The following ERCC5 variants were observed in gnomAD, a reference collection of about 807,000 sequenced individuals.
ERCC5 encodes the protein ERCC excision repair 5, endonuclease.
A neutral mutation model predicts 105.6 loss-of-function variants in ERCC5; 68 were observed. The ratio of observed to expected loss-of-function variants is 0.64; its 90% CI spans 0.53 to 0.79. ERCC5 has a LOEUF of 0.79. Among genes scored for constraint, ERCC5 ranks in the 30% least tolerant of loss-of-function variants. ERCC5 has a pLI of 0.00. For missense variants in ERCC5, 1,373 were observed against 1,426.7 expected, an observed-to-expected ratio of 0.96 and a Z score of 0.61; for synonymous variants, 546 against 526.2, an observed-to-expected ratio of 1.04 and a Z score of -0.51.
intron 12 of ERCC5, among the ~76,000 whole-genome samples, chr13:102,869,658 G>C (rs1882970107): frequency 6.6e-6 from 1 of 152,102 alleles, no homozygotes; most frequent in Non-Finnish European, 1.5e-5. Flanking sequence ...GCGTCTATCA[G>C]GGCTAGTTTA....
intron 1 of ERCC5, among the ~76,000 whole-genome samples, chr13:102,847,172 T>G (rs1469536911): frequency 6.6e-6 from 1 of 152,222 alleles, no homozygotes; most frequent in African/African-American, 2.4e-5. Flanking sequence ...AAATTGACTT[T>G]TTAAGGACTA....
rs138538100 is a variant in ERCC5, at chr13:102,852,960, C to G, written c.264+667C>G. Among the ~76,000 whole-genome samples the G allele has an allele frequency of 2.2e-3, 341 of 152,228 alleles. 1 individual carries two copies. Among genetic ancestry groups the G allele is most frequent in the Non-Finnish European group, 3.9e-3 (266 of 68,034 alleles). On this transcript the variant is annotated intron_variant, in intron 2 of 14. Transcript: ENST00000652225. ...AATGTTTAAACAGTCCAAATGACAGCACCCATTTGGATATATGACTTTTAT... is the reference window on the plus strand; with the variant it reads ...AATGTTTAAACAGTCCAAATGACAGGACCCATTTGGATATATGACTTTTAT...
intron 7 of ERCC5, 50 bp from the exon 8 acceptor site, chr13:102,861,980 T>C: frequency 6.2e-7 from 1 of 1,604,752 alleles, no homozygotes; most frequent in Non-Finnish European, 8.5e-7. Flanking sequence ...TAGAAGCGTA[T>C]TGTCACACTG....
chr13:102,855,857 G>A (rs1882395710), intron 4 of ERCC5, among the ~76,000 whole-genome samples, 195 bp from the exon 5 acceptor site: 1 of 152,118 alleles, frequency 6.6e-6, no homozygotes. Flanking sequence ...TTCCCTTGTG[G>A]TGGAAGTTAT....
chr13:102,846,624 C>A (rs1003478199), intron 1 of ERCC5, among the ~76,000 whole-genome samples: 6 of 152,164 alleles, frequency 3.9e-5, no homozygotes, highest in Non-Finnish European at 7.3e-5. Flanking sequence ...ATAAACTACC[C>A]ACTTCCGTAA....
intron 13 of ERCC5, 37 bp from the exon 14 acceptor site, chr13:102,873,222 A>G: frequency 1.2e-6 from 2 of 1,613,404 alleles, no homozygotes; most frequent in African/African-American, 1.3e-5. Context: ...TTGTTTAAAT[A>G]TCTTTCAAAA....
intron 11 of ERCC5, among the ~76,000 whole-genome samples, chr13:102,867,764 G>A (rs980582849): frequency 6.6e-6 from 1 of 152,144 alleles, no homozygotes; most frequent in Non-Finnish European, 1.5e-5. Context: ...GAGGAGAAAC[G>A]AAGTGTTCAG....
At position 102,862,769 on chromosome 13, in the gene ERCC5, T is replaced by C. The variant is rs781540411; in HGVS notation, c.1620T>C (p.Ala540=). The change falls in exon 8 of 15, where the codon GCT becomes GCC. Residue 540 remains alanine, a synonymous_variant. Coordinates refer to ENST00000652225, the MANE Select transcript of ERCC5 (RefSeq NM_000123.4). ...TNSVSKNETH[A]EVLEQQNELC... ...CTGTGTCAAAGAATGAAACACATGCTGAAGTGCTTGAGCAGCAGAACGAAC... is the reference window on the plus strand; with the variant it reads ...CTGTGTCAAAGAATGAAACACATGCCGAAGTGCTTGAGCAGCAGAACGAAC... 1.2e-6 allele frequency: 2 copies of C among 1,614,238 alleles called. No homozygotes were observed. The highest frequency in any genetic ancestry group is 1.7e-6 in the Non-Finnish European group (2 of 1,180,036).
chr13:102,848,082 C>T (rs1258480296), intron 1 of ERCC5, among the ~76,000 whole-genome samples: 2 of 152,132 alleles, frequency 1.3e-5, no homozygotes, highest in Admixed American at 1.3e-4. Context: ...TTGCTTGGGC[C>T]CAGGCGGTCA....
rs1882492378 is a variant in ERCC5, at chr13:102,858,131, A to G, written c.529-144A>G. The G allele has an allele frequency of 4.0e-5, 48 of 1,186,070 alleles. 1 individual carries two copies. In the South Asian group the frequency reaches 6.8e-4, roughly 17 times the overall value. 73.5% of individuals were successfully genotyped at this position (1,186,070 alleles called of 1,614,324 possible). A position where few individuals can be genotyped will look rare whatever the true frequency, so the allele number is the denominator to read the frequency against. On this transcript the variant is annotated intron_variant, in intron 5 of 14. Coordinates refer to ENST00000652225, the MANE Select transcript of ERCC5 (RefSeq NM_000123.4). ...TTGCCTACTCACTTTGTTGCCTGTC[A>G]CAGATTATATGCAACTGTGTTTAGC...
chr13:102,846,483 A>G, intron 1 of ERCC5, 129 bp downstream of exon 1: 2 of 802,492 alleles, frequency 2.5e-6, no homozygotes, highest in East Asian at 2.7e-5. Context: ...TCGCTATAGA[A>G]TCTCTGTCAC....
In ERCC5 at chr13:102,862,523, A is replaced by G. The variant is rs758565350; in HGVS notation, c.1374A>G (p.Val458=). The G allele has an allele frequency of 1.3e-5, 21 of 1,614,104 alleles. No individual in the cohort carries two copies. Among genetic ancestry groups the G allele is most frequent in the Non-Finnish European group, 1.7e-5 (20 of 1,180,050 alleles). Residue 458 remains valine (V), a synonymous_variant, in exon 8 of 15, where the codon GTA becomes GTG. Transcript: ENST00000652225. ...GTGTGAACTCTGCAGAGGAGCACGT[A>G]GCCAGCACTAATGAGGGGAGAGAGC... ...SSSVNSAEEH[V]ASTNEGREPT...
chr13:102,847,297 ATTT>A (rs35223521), intron 1 of ERCC5, among the ~76,000 whole-genome samples: 2 of 139,436 alleles, frequency 1.4e-5, no homozygotes. Context: ...TTATGTAGTC[ATTT>A]TTTTTTTTTT....
chr13:102,863,766 T>C lies in ERCC5; in HGVS notation c.1954+663T>C, dbSNP rs932804630. 5.9e-5 allele frequency among the ~76,000 whole-genome samples: 9 copies of C among 152,270 alleles called. No individual in the cohort carries two copies. In the South Asian group the frequency reaches 1.9e-3, roughly 32 times the overall value. On this transcript the variant is annotated intron_variant, in intron 8 of 14. Coordinates refer to ENST00000652225, the MANE Select transcript of ERCC5 (RefSeq NM_000123.4). ...CCTGGTTCCCGTGTTCTGAGAGAGA[T>C]GACCAGAGGGTGGGGACAGTAGGGG...
At chr13:102,873,190 T>C in intron 13 of ERCC5, 69 bp from the exon 14 acceptor site, 1 of 1,599,602 alleles carries the variant, frequency 6.3e-7, no homozygotes, top group Non-Finnish European at 8.6e-7. Flanking sequence ...GAATGGGTTC[T>C]TTGGACCTTT....
At chr13:102,873,690 A>G (rs1190872386) in intron 14 of ERCC5, among the ~76,000 whole-genome samples, 1 of 152,160 alleles carries the variant, frequency 6.6e-6, no homozygotes, top group Non-Finnish European at 1.5e-5. Flanking sequence ...AGCAATTCTG[A>G]TCATTTAAGT....
At position 102,862,648 on chromosome 13, in the gene ERCC5, G is replaced by A. The variant is rs142081128; in HGVS notation, c.1499G>A (p.Arg500Gln). The A allele has an allele frequency of 1.1e-4, 172 of 1,614,160 alleles. 5 individuals carry two copies. In the South Asian group the frequency reaches 1.4e-3, roughly 13 times the overall value. ...DESMIKDRKD[R>Q]LPLESAVVRH... ...TCTATGATTAAGGACAGAAAAGATC[G>A]GCTGCCTCTGGAGAGTGCAGTGGTT... Residue 500 changes from arginine (R) to glutamine (Q), a missense_variant, in exon 8 of 15, where the codon CGG becomes CAG. Physicochemically the swap from Arg to Gln is conservative, Grantham distance 43 (BLOSUM62 1). Coordinates refer to ENST00000652225, the MANE Select transcript of ERCC5 (RefSeq NM_000123.4).
intron 1 of ERCC5, among the ~76,000 whole-genome samples, chr13:102,847,551 T>C (rs1417314554): frequency 1.3e-5 from 2 of 152,230 alleles, no homozygotes; most frequent in East Asian, 3.8e-4. Flanking sequence ...TGATAAGTTT[T>C]AAAACATAAT....
intron 1 of ERCC5, chr13:102,848,968 C>T (rs896702415): frequency 6.2e-6 from 2 of 322,458 alleles, no homozygotes; most frequent in African/African-American, 4.3e-5. Flanking sequence ...CCGTATGTTT[C>T]AGAAGCTTCA....
Sources: allele counts gnomAD v4.1 joint callset (sites outside exome capture counted in the v4.1 genomes callset), GRCh38; gene constraint gnomAD v4.1.1; transcripts MANE v1.5; gene names NCBI Gene and HGNC (gene_info 2026-07-23, HGNC 2026-07-21).